The following OR51B5 variants were observed in gnomAD, a reference collection of about 807,000 sequenced individuals.
OR51B5 encodes the protein olfactory receptor 51B5.
For synonymous variants in OR51B5, 186 were observed against 144.8 expected, an observed-to-expected ratio of 1.28 and a Z score of -2.04; for missense variants, 456 against 374.6, an observed-to-expected ratio of 1.22 and a Z score of -1.79.
chr11:5,343,163 A>G, exon 1 of OR51B5: 1 of 1,613,938 alleles, frequency 6.2e-7, no homozygotes, highest in Non-Finnish European at 8.5e-7. Flanking sequence ...GATGGCAATA[A>G]AACGGTCATA....
At chr11:5,423,112 A>C (rs1486573414) in intron 1 of OR51B5, 1 of 1,606,376 alleles carries the variant, frequency 6.2e-7, no homozygotes, top group Admixed American at 1.7e-5. Context: ...TCCAATGGGG[A>C]ATGTTAAATT....
intron 1 of OR51B5, among the ~76,000 whole-genome samples, chr11:5,358,509 C>A (rs1849229448): frequency 6.6e-6 from 1 of 152,160 alleles, no homozygotes; most frequent in Non-Finnish European, 1.5e-5. Context: ...TAATAGCTTA[C>A]CAACCAAAAA....
chr11:5,455,323 A>G (rs1349840108), intron 1 of OR51B5: 1 of 149,336 alleles, frequency 6.7e-6, no homozygotes, highest in Non-Finnish European at 1.5e-5. Context: ...AAGAGATGTT[A>G]GAAATTAAGT....
At chr11:5,361,553 A>G (rs12803469) in intron 1 of OR51B5, among the ~76,000 whole-genome samples, 59,255 of 151,842 alleles carry the variant, frequency 0.39, 11,766 homozygotes, top group African/African-American at 0.41. Flanking sequence ...CATAGGAATG[A>G]GCAGTAGACG....
chr11:5,427,163 G>T (rs1850463649), intron 1 of OR51B5, among the ~76,000 whole-genome samples: 1 of 127,718 alleles, frequency 7.8e-6, no homozygotes, highest in Non-Finnish European at 1.8e-5. Flanking sequence ...CTATGAAGAT[G>T]GTATATACCG....
chr11:5,383,507 C>T (rs554543179), intron 1 of OR51B5, among the ~76,000 whole-genome samples: 8 of 152,100 alleles, frequency 5.3e-5, no homozygotes, highest in South Asian at 2.1e-4. Flanking sequence ...TGGAAAACGA[C>T]GGGTCCATTA....
chr11:5,466,515 A>T (rs1216794523), intron 1 of OR51B5, among the ~76,000 whole-genome samples: 3 of 152,256 alleles, frequency 2.0e-5, no homozygotes, highest in Non-Finnish European at 2.9e-5. Flanking sequence ...GCATTAATAA[A>T]AAAAAGACTT....
chr11:5,413,416 A>G (rs1589982528), intron 1 of OR51B5, among the ~76,000 whole-genome samples: 1 of 152,240 alleles, frequency 6.6e-6, no homozygotes, highest in African/African-American at 2.4e-5. Context: ...TTCACCAGCA[A>G]TGCAACAAAG....
exon 1 of OR51B5, chr11:5,342,988 G>C (rs150082635): frequency 3.1e-6 from 5 of 1,613,386 alleles, no homozygotes; most frequent in Non-Finnish European, 4.2e-6. Context: ...TGACATCCTG[G>C]TGAAGGCAGA....
At chr11:5,433,878 G>A (rs998991452) in intron 1 of OR51B5, among the ~76,000 whole-genome samples, 2 of 152,008 alleles carry the variant, frequency 1.3e-5, no homozygotes, top group Admixed American at 1.3e-4. Flanking sequence ...CAAGAGCAAT[G>A]TAATTATGAG....
intron 1 of OR51B5, chr11:5,505,518 A>T: frequency 2.4e-6 from 3 of 1,247,562 alleles, no homozygotes; most frequent in South Asian, 2.7e-5. Flanking sequence ...GCTAATGAAG[A>T]TATACCCGAG....
intron 1 of OR51B5, among the ~76,000 whole-genome samples, chr11:5,378,965 T>G (rs1849569656): frequency 6.6e-6 from 1 of 151,492 alleles, no homozygotes; most frequent in Admixed American, 6.6e-5. Flanking sequence ...TTACTGGGTA[T>G]ATACCCAAAG....
intron 1 of OR51B5, among the ~76,000 whole-genome samples, chr11:5,387,110 A>C (rs1849706955): frequency 6.6e-6 from 1 of 152,148 alleles, no homozygotes; most frequent in African/African-American, 2.4e-5. Context: ...ATGAGAAGTT[A>C]AGGTGTTCAA....
intron 1 of OR51B5, chr11:5,488,738 T>C (rs1851532314): frequency 6.2e-7 from 1 of 1,613,842 alleles, no homozygotes; most frequent in East Asian, 2.2e-5. Flanking sequence ...GATAACCATC[T>C]TCCAGACACC....
chr11:5,405,615 T>C (rs1278673727), intron 1 of OR51B5, among the ~76,000 whole-genome samples: 1 of 152,230 alleles, frequency 6.6e-6, no homozygotes, highest in African/African-American at 2.4e-5. Flanking sequence ...ATTGGCCTTA[T>C]AATGCTTCTT....
chr11:5,401,841 CCT>C (rs1849972487), intron 1 of OR51B5, among the ~76,000 whole-genome samples: 1 of 59,042 alleles, frequency 1.7e-5, no homozygotes, highest in African/African-American at 3.6e-5. Context: ...TCCTTCCTTC[CCT>C]CTTTTTCTTC....
chr11:5,389,516 T>C, intron 1 of OR51B5: 8 of 1,614,028 alleles, frequency 5.0e-6, no homozygotes, highest in Non-Finnish European at 6.8e-6. Context: ...ACACTGGATT[T>C]TCATCCCCTT....
intron 1 of OR51B5, among the ~76,000 whole-genome samples, chr11:5,418,157 A>G (rs919822564): frequency 6.6e-6 from 1 of 151,860 alleles, no homozygotes; most frequent in African/African-American, 2.4e-5. Context: ...TTGCAAGAAC[A>G]AAAAACCAAA....
intron 1 of OR51B5, among the ~76,000 whole-genome samples, chr11:5,368,257 C>T (rs1023840544): frequency 2.0e-5 from 3 of 152,148 alleles, no homozygotes; most frequent in Non-Finnish European, 2.9e-5. Context: ...GGGAATTAAA[C>T]AGTTTGGTTT....
Sources: gnomAD v4.1 joint callset for allele counts (sites outside exome capture counted in the v4.1 genomes callset) on GRCh38, gnomAD v4.1.1 for gene constraint, MANE v1.5 for transcripts, NCBI Gene and HGNC (gene_info 2026-07-23, HGNC 2026-07-21) for gene names.